Variants in SUOX observed in about 807,000 individuals in gnomAD.
The protein encoded by SUOX is sulfite oxidase, also known as sulfite oxidase, mitochondrial.
Under a neutral mutation model 41.9 loss-of-function variants are expected in SUOX, and 39 were observed. The observed-to-expected ratio is 0.93, with a 90% confidence interval of 0.72 to 1.21. The LOEUF is 1.21. Among genes scored for constraint, SUOX ranks in the 50% most tolerant of loss-of-function variants. The pLI is 0.00. For synonymous variants in SUOX, 220 were observed against 268.4 expected, an observed-to-expected ratio of 0.82 and a Z score of 1.76; for missense variants, 633 against 689.5, an observed-to-expected ratio of 0.92 and a Z score of 0.92.
intron 2 of SUOX, among the ~76,000 whole-genome samples, chr12:56,001,151 GTCTCTCTCT>G (rs1890511714): frequency 1.9e-5 from 2 of 107,412 alleles, no homozygotes; most frequent in Non-Finnish European, 3.5e-5. Flanking sequence ...TTGAGATGGA[GTCTCTCTCT>G]GTTGCCCAGA....
At position 56,004,122 on chromosome 12, in the gene SUOX, C is replaced by T. The variant is rs1890642427; in HGVS notation, c.733C>T (p.Leu245Phe). The part of the protein sequence containing the change: ...VGAPGGQSLS[L>F]SLDDLHNFPR... ...AGCACCTGGGGGTCAGTCACTGTCTCTTTCCCTGGATGACTTGCACAACTT... is the reference window on the plus strand; with the variant it reads ...AGCACCTGGGGGTCAGTCACTGTCTTTTTCCCTGGATGACTTGCACAACTT... The change falls in exon 5 of 5, where the codon CTT becomes TTT. Residue 245 changes from leucine (L) to phenylalanine (F), a missense_variant. Coordinates refer to ENST00000266971, the MANE Select transcript of SUOX (RefSeq NM_001032386.2). This position sits in a 1 kb window ranked among gnomAD's most constrained non-coding sequence, Gnocchi z 4.5. 5 of 1,614,106 alleles carry T rather than the reference C, an allele frequency of 3.1e-6. No homozygotes were observed. The East Asian group carries it at 1.1e-4, about 36-fold the overall frequency.
intron 2 of SUOX, among the ~76,000 whole-genome samples, chr12:56,001,147 T>A (rs1427949927): frequency 1.8e-4 from 16 of 89,920 alleles, no homozygotes; most frequent in Non-Finnish European, 3.0e-4. Context: ...TTTTTTGAGA[T>A]GGAGTCTCTC....
chr12:56,004,243 C>G lies in SUOX; in HGVS notation c.854C>G (p.Thr285Arg). ...GAAGTAAAAGGTCTGGAGTGGAGAA[C>G]AGGAGCCATCAGCACTGCACGCTGG... ...VKEVKGLEWR[T>R]GAISTARWAG... is the part of the protein sequence containing the mutation. The change falls in exon 5 of 5, where the codon ACA (threonine) becomes AGA (arginine). Residue 285 changes from threonine (T) to arginine (R), a missense_variant. Coordinates refer to ENST00000266971, the MANE Select transcript of SUOX (RefSeq NM_001032386.2). This position sits in a 1 kb window ranked among gnomAD's most constrained non-coding sequence, Gnocchi z 4.5. The G allele has an allele frequency of 6.2e-7, 1 of 1,614,104 alleles. No homozygotes were observed.
intron 4 of SUOX, 134 bp from the exon 5 acceptor site, chr12:56,003,484 C>T: frequency 1.3e-6 from 1 of 773,130 alleles, no homozygotes; most frequent in Non-Finnish European, 2.2e-6. Flanking sequence ...TGGTCTTGAA[C>T]TCCCGACCTT....
chr12:56,005,143 C>A lies in SUOX; in HGVS notation c.*116C>A. On this transcript the variant is annotated 3_prime_UTR_variant, in exon 5 of 5. Transcript: ENST00000266971. Reference sequence around the variant, plus strand: ...CAACTCTGGCCTTCCTAAGCCATACCCAAGTACACATATAGCACATTTCAC... The same window carrying A: ...CAACTCTGGCCTTCCTAAGCCATACACAAGTACACATATAGCACATTTCAC... 1 of 1,179,316 alleles carries A rather than the reference C, an allele frequency of 8.5e-7. No individual in the cohort carries two copies. The highest frequency in any genetic ancestry group is 2.4e-5 in the East Asian group (1 of 41,786). 73.1% of individuals were successfully genotyped at this position (1,179,316 alleles called of 1,614,324 possible).
chr12:55,999,091 G>A (rs917792000), intron 2 of SUOX, among the ~76,000 whole-genome samples: 3 of 151,892 alleles, frequency 2.0e-5, no homozygotes, highest in Non-Finnish European at 2.9e-5. Flanking sequence ...TGGGATTATA[G>A]GCATGAGCCA....
intron 2 of SUOX, chr12:56,001,950 T>C: frequency 2.2e-6 from 3 of 1,344,928 alleles, no homozygotes; most frequent in Non-Finnish European, 2.9e-6. Flanking sequence ...GGGAGAAAGG[T>C]GATTCTGATT....
chr12:56,004,582 G>A lies in SUOX; in HGVS notation c.1193G>A (p.Arg398Gln), dbSNP rs754455923. 12 of 1,614,068 alleles carry A rather than the reference G, an allele frequency of 7.4e-6. No homozygotes were observed. The highest frequency in any genetic ancestry group is 3.3e-5 in the Admixed American group (2 of 60,004). ...PEESYSHWQR[R>Q]DYKGFSPSVD... ...GAAAGTTACAGCCACTGGCAACGGC[G>A]GGATTACAAAGGCTTCTCTCCATCT... is the stretch of plus-strand genomic sequence containing the variant. The change falls in exon 5 of 5, where the codon CGG (arginine) becomes CAG (glutamine). Residue 398 changes from arginine to glutamine, a missense_variant. Coordinates refer to ENST00000266971, the MANE Select transcript of SUOX (RefSeq NM_001032386.2). This position sits in a 1 kb window ranked among gnomAD's most constrained non-coding sequence, Gnocchi z 4.5.
chr12:56,003,093 C>T (rs1229192583), intron 4 of SUOX: 1 of 301,290 alleles, frequency 3.3e-6, no homozygotes, highest in African/African-American at 2.2e-5. Flanking sequence ...CACAGGCAAC[C>T]CAGGCTGTGA....
In SUOX at chr12:56,003,996, C is replaced by G. The variant is rs762767146; in HGVS notation, c.607C>G (p.Leu203Val). 6.2e-7 allele frequency: 1 copy of G among 1,614,128 alleles called. No individual in the cohort carries two copies. The highest frequency in any genetic ancestry group is 1.1e-5 in the South Asian group (1 of 91,084). Residue 203 changes from leucine to valine, a missense_variant, in exon 5 of 5, where the codon CTG becomes GTG. Coordinates refer to ENST00000266971, the MANE Select transcript of SUOX (RefSeq NM_001032386.2). ...TAATGCAGAGCCTCCCCCTGAGCTG[C>G]TGACAGAAAACTACATCACACCCAA... is the stretch of plus-strand genomic sequence containing the variant. ...PFNAEPPPEL[L>V]TENYITPNPI...
Sources: gnomAD v4.1 joint callset for allele counts (sites outside exome capture counted in the v4.1 genomes callset) on GRCh38, gnomAD v4.1.1 for gene constraint, Gnocchi (gnomAD v3.1) non-coding constraint, MANE v1.5 for transcripts, NCBI Gene and HGNC (gene_info 2026-07-23, HGNC 2026-07-21) for gene names.